The following SLIT2 variants were observed in gnomAD, a reference collection of about 807,000 sequenced individuals.
SLIT2 encodes the protein slit guidance ligand 2.
Under a neutral mutation model 185.7 loss-of-function variants are expected in SLIT2, and 41 were observed. The observed-to-expected ratio is 0.22, with a 90% CI of 0.17 to 0.29. The LOEUF (loss-of-function observed/expected upper bound fraction) is 0.29, where lower values mean the gene tolerates loss of function less well. Ranked by LOEUF, SLIT2 falls within the 10% of genes least tolerant of loss-of-function variation. The pLI, the probability that SLIT2 is intolerant of heterozygous loss-of-function variation, is 1.00. For synonymous variants in SLIT2, 693 were observed against 680.2 expected, an observed-to-expected ratio of 1.02 and a Z score of -0.29; for missense variants, 1,571 against 1,909.0, an observed-to-expected ratio of 0.82 and a Z score of 3.30.
intron 4 of SLIT2, among the ~76,000 whole-genome samples, chr4:20,288,303 C>T (rs978287735): frequency 2.0e-5 from 3 of 152,180 alleles, no homozygotes; most frequent in Admixed American, 6.5e-5. Flanking sequence ...TGTGGATGGA[C>T]GCTCCTTACC....
At chr4:20,280,045 C>T (rs1714570240) in intron 4 of SLIT2, among the ~76,000 whole-genome samples, 1 of 151,994 alleles carries the variant, frequency 6.6e-6, no homozygotes, top group Admixed American at 6.6e-5. Flanking sequence ...AGCCAAAAGG[C>T]TTTTACAGCT....
chr4:20,381,059 G>A (rs1577540380), intron 4 of SLIT2, among the ~76,000 whole-genome samples: 1 of 152,152 alleles, frequency 6.6e-6, no homozygotes, highest in East Asian at 1.9e-4. Context: ...TTCAAGACCA[G>A]CCTGGCCAAC....
chr4:20,490,802 G>T (rs1177849125), intron 8 of SLIT2: 1 of 1,518,860 alleles, frequency 6.6e-7, no homozygotes, highest in Admixed American at 2.0e-5. Context: ...CTGTTTTCTA[G>T]ATGAGGAAGA....
chr4:20,584,404 C>G (rs1315058378), intron 29 of SLIT2, among the ~76,000 whole-genome samples: 4 of 152,226 alleles, frequency 2.6e-5, no homozygotes, highest in Non-Finnish European at 5.9e-5. Flanking sequence ...TTTTACTGTT[C>G]CACCTAGAAG....
chr4:20,459,540 A>T (rs1448151153), intron 4 of SLIT2, among the ~76,000 whole-genome samples: 1 of 152,168 alleles, frequency 6.6e-6, no homozygotes, highest in Non-Finnish European at 1.5e-5. Flanking sequence ...GATGTATATC[A>T]CCTGAAAGGA....
At chr4:20,612,117 C>T (rs924377759) in intron 34 of SLIT2, among the ~76,000 whole-genome samples, 1 of 151,816 alleles carries the variant, frequency 6.6e-6, no homozygotes, top group Non-Finnish European at 1.5e-5. Context: ...GTGGCTCACA[C>T]CCATAATCTC....
At chr4:20,328,229 G>A (rs960686141) in intron 4 of SLIT2, among the ~76,000 whole-genome samples, 16 of 152,106 alleles carry the variant, frequency 1.1e-4, no homozygotes, top group South Asian at 1.0e-3. Flanking sequence ...AGCTTCTTTC[G>A]TAGATAAGAA....
chr4:20,549,214 G>C, intron 24 of SLIT2, 86 bp downstream of exon 24: 1 of 716,650 alleles, frequency 1.4e-6, no homozygotes, highest in Non-Finnish European at 2.4e-6. Flanking sequence ...CTGCTTTGTT[G>C]ATTCTTGGTG....
At position 20,484,609 on chromosome 4, in the gene SLIT2, A is replaced by G. The variant is rs1316680040; in HGVS notation, c.540-1591A>G. On this transcript the variant is annotated intron_variant, in intron 6 of 36. Transcript: ENST00000504154. This position sits in a 1 kb window ranked among gnomAD's most constrained non-coding sequence, Gnocchi z 4.3. ...TGTCAATCTCTTGACCTCTGAACGC[A>G]CCATCAATAACCGCAGCCACCAACT... Among the ~76,000 whole-genome samples the G allele has an allele frequency of 1.3e-5, 2 of 152,160 alleles. No homozygotes were observed. The highest frequency in any genetic ancestry group is 4.8e-5 in the African/African-American group (2 of 41,450).
At chr4:20,273,452 A>G (rs1352985935) in intron 4 of SLIT2, among the ~76,000 whole-genome samples, 2 of 152,080 alleles carry the variant, frequency 1.3e-5, no homozygotes, top group Non-Finnish European at 2.9e-5. Flanking sequence ...AGAAGCTCTC[A>G]TCAAGTGTTT....
At chr4:20,570,095 T>G (rs1490922429) in intron 29 of SLIT2, among the ~76,000 whole-genome samples, 2 of 152,102 alleles carry the variant, frequency 1.3e-5, no homozygotes, top group African/African-American at 4.8e-5. Context: ...AACCCAGATC[T>G]GTTTGAGTGA....
At chr4:20,291,621 A>G (rs2109083327) in intron 4 of SLIT2, among the ~76,000 whole-genome samples, 1 of 150,114 alleles carries the variant, frequency 6.7e-6, no homozygotes, top group African/African-American at 2.4e-5. Flanking sequence ...CTCAACTTTG[A>G]AATGTCTCTA....
chr4:20,410,647 C>A (rs1473585845), intron 4 of SLIT2, among the ~76,000 whole-genome samples: 1 of 152,036 alleles, frequency 6.6e-6, no homozygotes, highest in Non-Finnish European at 1.5e-5. Context: ...CTAGCCTGCT[C>A]TCCCAGTACC....
chr4:20,533,500 T>G, intron 17 of SLIT2, 72 bp from the exon 18 acceptor site: 1 of 1,198,614 alleles, frequency 8.3e-7, no homozygotes, highest in Non-Finnish European at 1.2e-6. Flanking sequence ...TAGAAGAAAA[T>G]TATCAACTAT....
chr4:20,331,400 A>G (rs539304288), intron 4 of SLIT2, among the ~76,000 whole-genome samples: 1 of 152,282 alleles, frequency 6.6e-6, no homozygotes, highest in African/African-American at 2.4e-5. Flanking sequence ...GTCTATAAGA[A>G]TGTTGCATTC....
At chr4:20,561,862 C>T (rs1724722431) in intron 26 of SLIT2, among the ~76,000 whole-genome samples, 1 of 151,840 alleles carries the variant, frequency 6.6e-6, no homozygotes, top group South Asian at 2.1e-4. Flanking sequence ...AAAAACTTAA[C>T]AGATATTTAT....
At chr4:20,344,090 C>G (rs1458027934) in intron 4 of SLIT2, among the ~76,000 whole-genome samples, 1 of 152,094 alleles carries the variant, frequency 6.6e-6, no homozygotes, top group Non-Finnish European at 1.5e-5. Context: ...ACCTTGTGAT[C>G]CACTCACCTC....
intron 4 of SLIT2, among the ~76,000 whole-genome samples, chr4:20,400,535 CT>C (rs941266199): frequency 5.5e-4 from 82 of 147,788 alleles, no homozygotes; most frequent in African/African-American, 8.7e-4. Flanking sequence ...GAGCATGAGA[CT>C]TTTTTTTTTC....
intron 11 of SLIT2, among the ~76,000 whole-genome samples, chr4:20,514,736 A>C (rs1260843191): frequency 6.8e-6 from 1 of 146,900 alleles, no homozygotes; most frequent in African/African-American, 2.4e-5. Flanking sequence ...ATGTTTTTTA[A>C]GGCCTCTCCT....
Sources: gnomAD v4.1 joint callset for allele counts (sites outside exome capture counted in the v4.1 genomes callset) on GRCh38, gnomAD v4.1.1 for gene constraint, Gnocchi (gnomAD v3.1) non-coding constraint, MANE v1.5 for transcripts, NCBI Gene and HGNC (gene_info 2026-07-23, HGNC 2026-07-21) for gene names.